The following IRAK4 variants were observed in gnomAD, a reference collection of about 807,000 sequenced individuals.
IRAK4 encodes interleukin 1 receptor associated kinase 4.
Under a neutral mutation model 51.8 loss-of-function variants are expected in IRAK4, and 44 were observed. The observed-to-expected ratio is 0.85, with a 90% CI of 0.67 to 1.09. The LOEUF (loss-of-function observed/expected upper bound fraction) is 1.09. Ranked by LOEUF, IRAK4 falls within the 50% of genes least tolerant of loss-of-function variation. IRAK4 has a pLI of 0.00. For synonymous variants in IRAK4, 149 were observed against 174.1 expected (o/e 0.86, Z 1.13); for missense variants, 487 against 538.0 (o/e 0.91, Z 0.94).
chr12:43,771,045 A>G (rs771669927), intron 2 of IRAK4, 175 bp from the exon 3 acceptor site: 9 of 702,340 alleles, frequency 1.3e-5, no homozygotes, highest in South Asian at 1.2e-4. Context: ...GAGATGATGT[A>G]GCAAGAAGGC....
At chr12:43,766,858 G>T (rs748184572) in intron 1 of IRAK4, among the ~76,000 whole-genome samples, 1 of 152,184 alleles carries the variant, frequency 6.6e-6, no homozygotes, top group Non-Finnish European at 1.5e-5. Context: ...TGAACTCATG[G>T]ATCTTAAAAT....
rs767075679 is a variant in IRAK4, at chr12:43,777,684, C to T, written c.771C>T (p.Asp257=). The change falls in exon 7 of 12, where the codon GAC becomes GAT. Residue 257 remains aspartate, a synonymous_variant. Transcript: ENST00000613694. ...TTGGTTTCTCAAGTGATGGAGATGA[C>T]CTCTGCTTAGTATATGTTTACATGC... ...ELLGFSSDGD[D]LCLVYVYMPN... is the part of the protein sequence containing the mutation. The T allele has an allele frequency of 3.7e-6, 6 of 1,612,586 alleles. No homozygotes were observed. The Admixed American group carries it at 1.0e-4, about 27-fold the overall frequency.
In IRAK4 at chr12:43,777,681, T is replaced by G; in HGVS notation, c.768T>G (p.Asp256Glu). ...VELLGFSSDGDDLCLVYVYMP... is the reference protein window; with the variant it reads ...VELLGFSSDGEDLCLVYVYMP... ...TACTTGGTTTCTCAAGTGATGGAGA[T>G]GACCTCTGCTTAGTATATGTTTACA... Residue 256 changes from aspartate (D) to glutamate (E), a missense_variant, in exon 7 of 12, where the codon GAT becomes GAG. Transcript: ENST00000613694. The G allele has an allele frequency of 6.2e-7, 1 of 1,611,724 alleles. No individual in the cohort carries two copies. Among genetic ancestry groups the G allele is most frequent in the Non-Finnish European group, 8.5e-7 (1 of 1,178,794 alleles).
At chr12:43,769,982 A>C (rs1940579676) in intron 2 of IRAK4, among the ~76,000 whole-genome samples, 1 of 152,156 alleles carries the variant, frequency 6.6e-6, no homozygotes, top group African/African-American at 2.4e-5. Context: ...GAAAGAGAGA[A>C]TGCACAAGAG....
chr12:43,771,458 T>A (rs1940754508), intron 3 of IRAK4, 93 bp downstream of exon 3: 4 of 1,314,822 alleles, frequency 3.0e-6, no homozygotes, highest in Admixed American at 1.8e-5. Context: ...TTTTTTCTCA[T>A]AGTAGATGAA....
At chr12:43,761,430 T>G (rs1005530520) in intron 1 of IRAK4, among the ~76,000 whole-genome samples, 2 of 152,148 alleles carry the variant, frequency 1.3e-5, no homozygotes, top group Non-Finnish European at 2.9e-5. Flanking sequence ...TAATGTGATA[T>G]AAGAATAATT....
chr12:43,781,136 G>A lies in IRAK4; in HGVS notation c.942-1171G>A, dbSNP rs533247474. Among the ~76,000 whole-genome samples, 10 of 152,224 alleles carry A rather than the reference G, an allele frequency of 6.6e-5. No individual in the cohort carries two copies. In the East Asian group the frequency reaches 9.7e-4, roughly 15 times the overall value. ...TCATTCTGTCTCTCAAACTGAACACGTTCTCATTCTCTATATCATGCTAAT... is the reference window on the plus strand; with the variant it reads ...TCATTCTGTCTCTCAAACTGAACACATTCTCATTCTCTATATCATGCTAAT... On this transcript the variant is annotated intron_variant, in intron 8 of 11. Transcript: ENST00000613694.
At chr12:43,782,529 T>C (rs746726723) in intron 9 of IRAK4, 39 bp downstream of exon 9, 7 of 1,473,688 alleles carry the variant, frequency 4.7e-6, no homozygotes, top group South Asian at 1.2e-5. Context: ...ATAATCATTC[T>C]GCTATAATTG....
intron 1 of IRAK4, among the ~76,000 whole-genome samples, chr12:43,762,796 G>A (rs1216167206): frequency 6.6e-6 from 1 of 152,302 alleles, no homozygotes. Flanking sequence ...TGGCCTTTAA[G>A]GTATGTGGGC....
At chr12:43,778,165 T>G in intron 7 of IRAK4, 28 bp from the exon 8 acceptor site, 1 of 1,293,690 alleles carries the variant, frequency 7.7e-7, no homozygotes, top group South Asian at 1.2e-5. Flanking sequence ...TTCTTTCTCA[T>G]TTTTAATTTG....
At chr12:43,768,365 A>C in intron 2 of IRAK4, 93 bp downstream of exon 2, 1 of 907,808 alleles carries the variant, frequency 1.1e-6, no homozygotes, top group Non-Finnish European at 1.7e-6. Flanking sequence ...GCAGTTTAGA[A>C]AGTAAACCTC....
intron 5 of IRAK4, 175 bp from the exon 6 acceptor site, chr12:43,773,790 C>T (rs1201463058): frequency 1.9e-6 from 1 of 536,272 alleles, no homozygotes; most frequent in African/African-American, 1.9e-5. Flanking sequence ...ACTAACCAGC[C>T]ATGGGCCTTG....
In IRAK4 at chr12:43,779,504, GAA is replaced by G. The variant is rs4251511; in HGVS notation, c.941+1203_941+1204del. 6.1e-3 allele frequency among the ~76,000 whole-genome samples: 929 copies of G among 152,294 alleles called. 11 individuals carry two copies. The highest frequency in any genetic ancestry group is 0.02 in the African/African-American group (852 of 41,564). On this transcript the variant is annotated intron_variant, in intron 8 of 11. Transcript: ENST00000613694. The stretch of plus-strand genomic sequence containing the variant: ...CTCTAGTGTAGAGAACAGTTTGTAA[GAA>G]GAGGCAGTTAGTAGGCTATCATAGG...
chr12:43,770,963 C>T lies in IRAK4; in HGVS notation c.162-257C>T, dbSNP rs1028595071. 7.7e-5 allele frequency: 47 copies of T among 607,624 alleles called. 1 individual carries two copies. The highest frequency in any genetic ancestry group is 5.2e-4 in the East Asian group (16 of 30,614). The allele number at this position is 607,624 out of a possible 1,614,324, so 37.6% of individuals were successfully genotyped here. A position where few individuals can be genotyped will look rare whatever the true frequency, so the allele number is the denominator to read the frequency against. Reference sequence around the variant, plus strand: ...TAAGTTAGGCCCTATTTTTCTTTTTCTCTCTCTCTCTTTTTTTTTCTCTTT... The same window carrying T: ...TAAGTTAGGCCCTATTTTTCTTTTTTTCTCTCTCTCTTTTTTTTTCTCTTT... On this transcript the variant is annotated intron_variant, in intron 2 of 11. Coordinates refer to ENST00000613694, the MANE Select transcript of IRAK4 (RefSeq NM_016123.4).
intron 2 of IRAK4, 167 bp from the exon 3 acceptor site, chr12:43,771,053 G>A: frequency 1.4e-6 from 1 of 707,560 alleles, no homozygotes; most frequent in Non-Finnish European, 2.6e-6. Context: ...GTAGCAAGAA[G>A]GCCCTAACCA....
chr12:43,770,936 G>C (rs1335493311), intron 2 of IRAK4: 5 of 584,536 alleles, frequency 8.6e-6, no homozygotes, highest in African/African-American at 1.9e-5. Context: ...CTGATAAAAG[G>C]ATAAGTTAGG....
intron 10 of IRAK4, among the ~76,000 whole-genome samples, chr12:43,786,070 G>C (rs951797114): frequency 2.7e-5 from 4 of 146,900 alleles, no homozygotes; most frequent in East Asian, 2.0e-4. Flanking sequence ...ACAGAGTCTC[G>C]CTGTGTCACC....
At chr12:43,772,746 A>G (rs1256648040) in intron 4 of IRAK4, among the ~76,000 whole-genome samples, 166 bp from the exon 5 acceptor site, 3 of 152,222 alleles carry the variant, frequency 2.0e-5, no homozygotes, top group African/African-American at 4.8e-5. Context: ...AGAGTTCTCA[A>G]GAAAAACTTA....
chr12:43,782,857 T>C (rs1466854526), intron 9 of IRAK4, among the ~76,000 whole-genome samples: 1 of 152,202 alleles, frequency 6.6e-6, no homozygotes, highest in East Asian at 1.9e-4. Flanking sequence ...GAGATAGGTG[T>C]GGGTGGTTGA....
Sources: gnomAD v4.1 joint callset for allele counts (sites outside exome capture counted in the v4.1 genomes callset) on GRCh38, gnomAD v4.1.1 for gene constraint, MANE v1.5 for transcripts, NCBI Gene and HGNC (gene_info 2026-07-23, HGNC 2026-07-21) for gene names.